SLC35F4: variants seen among roughly 807,000 people sequenced by gnomAD.
SLC35F4 encodes the protein chromosome 14 open reading frame 36.
SLC35F4 carries 24 observed loss-of-function variants against 44.2 expected under a neutral mutation model. The ratio of observed to expected loss-of-function variants is 0.54; its 90% confidence interval spans 0.39 to 0.76. The LOEUF (loss-of-function observed/expected upper bound fraction) is 0.76, where lower values mean the gene tolerates loss of function less well. SLC35F4 is among the 30% of genes least tolerant of loss of function. The pLI, the probability that SLC35F4 is intolerant of heterozygous loss-of-function variation, is 0.00. For missense variants in SLC35F4, 562 were observed against 586.1 expected, an observed-to-expected ratio of 0.96 and a Z score of 0.42; for synonymous variants, 238 against 223.6, an observed-to-expected ratio of 1.06 and a Z score of -0.57.
intron 1 of SLC35F4, among the ~76,000 whole-genome samples, chr14:57,663,406 C>T (rs190977617): frequency 6.6e-6 from 1 of 152,216 alleles, no homozygotes; most frequent in African/African-American, 2.4e-5. Flanking sequence ...CAGGAGAGGG[C>T]CAGACAAGCA....
At chr14:57,699,464 C>T (rs1327713223) in intron 1 of SLC35F4, among the ~76,000 whole-genome samples, 1 of 152,152 alleles carries the variant, frequency 6.6e-6, no homozygotes, top group Non-Finnish European at 1.5e-5. Context: ...GAATCCCTTA[C>T]GTGCAAGAAT....
At chr14:57,955,636 T>C (rs550637150) in intron 1 of SLC35F4, among the ~76,000 whole-genome samples, 2 of 152,280 alleles carry the variant, frequency 1.3e-5, no homozygotes, top group African/African-American at 4.8e-5. Flanking sequence ...AGCATTCCTA[T>C]ACATCAATAA....
intron 1 of SLC35F4, among the ~76,000 whole-genome samples, chr14:57,800,060 G>A (rs548627492): frequency 6.6e-6 from 1 of 152,306 alleles, no homozygotes; most frequent in South Asian, 2.1e-4. Flanking sequence ...CCTGACTGGG[G>A]AGGCCTCCCA....
At chr14:57,669,143 G>T (rs1393949655) in intron 1 of SLC35F4, among the ~76,000 whole-genome samples, 1 of 152,140 alleles carries the variant, frequency 6.6e-6, no homozygotes, top group South Asian at 2.1e-4. Flanking sequence ...TCTGTTATTG[G>T]TGTATAAGAC....
chr14:57,656,505 C>T (rs1224450081), intron 1 of SLC35F4, among the ~76,000 whole-genome samples: 1 of 151,882 alleles, frequency 6.6e-6, no homozygotes, highest in Non-Finnish European at 1.5e-5. Flanking sequence ...ATCCTCATGG[C>T]TTGTTACTAT....
intron 1 of SLC35F4, among the ~76,000 whole-genome samples, chr14:57,601,909 T>C (rs2070846440): frequency 6.6e-6 from 1 of 152,162 alleles, no homozygotes; most frequent in African/African-American, 2.4e-5. Flanking sequence ...GAATTTCCAA[T>C]AGCCTAAGTA....
chr14:57,809,532 A>AC (rs1881727027), intron 1 of SLC35F4, among the ~76,000 whole-genome samples: 1 of 152,058 alleles, frequency 6.6e-6, no homozygotes, highest in Non-Finnish European at 1.5e-5. Flanking sequence ...CAGAAGATCC[A>AC]CCCCCATCAA....
intron 1 of SLC35F4, among the ~76,000 whole-genome samples, chr14:57,895,584 C>T (rs1463810480): frequency 6.8e-6 from 1 of 147,992 alleles, no homozygotes; most frequent in Non-Finnish European, 1.5e-5. Context: ...CTCTCTCACT[C>T]TCTCTCTCTC....
chr14:57,726,349 T>C (rs2076203017), intron 1 of SLC35F4, among the ~76,000 whole-genome samples: 5 of 152,106 alleles, frequency 3.3e-5, no homozygotes, highest in Admixed American at 2.0e-4. Context: ...GCAAAGGGAA[T>C]ACAGAATGGG....
intron 1 of SLC35F4, among the ~76,000 whole-genome samples, chr14:57,932,887 G>A (rs1033605100): frequency 6.6e-6 from 1 of 152,096 alleles, no homozygotes; most frequent in Non-Finnish European, 1.5e-5. Flanking sequence ...GTATATTAGA[G>A]AGAAGCTTTG....
At chr14:57,981,104 CA>C (rs1334310705) in intron 1 of SLC35F4, among the ~76,000 whole-genome samples, 1 of 152,180 alleles carries the variant, frequency 6.6e-6, no homozygotes, top group Non-Finnish European at 1.5e-5. Flanking sequence ...ACACTGAAGC[CA>C]AAGACAACAG....
At chr14:57,622,480 T>C (rs1335783986) in intron 1 of SLC35F4, among the ~76,000 whole-genome samples, 1 of 149,090 alleles carries the variant, frequency 6.7e-6, no homozygotes, top group Non-Finnish European at 1.5e-5. Flanking sequence ...CATGGAATAC[T>C]ATGCAGCCAT....
chr14:57,757,742 T>A (rs2077028052), intron 1 of SLC35F4, among the ~76,000 whole-genome samples: 1 of 152,198 alleles, frequency 6.6e-6, no homozygotes, highest in South Asian at 2.1e-4. Context: ...ACTATACTGT[T>A]GTTTTTGCTG....
intron 1 of SLC35F4, among the ~76,000 whole-genome samples, chr14:57,945,099 A>G (rs941524153): frequency 6.6e-6 from 1 of 152,200 alleles, no homozygotes; most frequent in African/African-American, 2.4e-5. Context: ...ATAGTTTACT[A>G]TGGCATGCAT....
intron 1 of SLC35F4, among the ~76,000 whole-genome samples, chr14:57,905,061 C>T (rs1032874573): frequency 7.9e-5 from 12 of 152,128 alleles, no homozygotes; most frequent in African/African-American, 2.4e-4. Context: ...AAAATTTGGG[C>T]GTGTCTTTGG....
At position 57,673,420 on chromosome 14, in the gene SLC35F4, T is replaced by C. The variant is rs1360714711; in HGVS notation, c.104-79296A>G. On this transcript the variant is annotated intron_variant, in intron 1 of 7. Coordinates refer to ENST00000556826, the MANE Select transcript of SLC35F4 (RefSeq NM_001306087.2). ...GAAAGTTACTTCACCCCTGTGGGTA[T>C]AATTTCCCAGATCTGTAAAATGGGG... Among the ~76,000 whole-genome samples the C allele has an allele frequency of 2.0e-5, 3 of 152,136 alleles. No homozygotes were observed. The East Asian group carries it at 5.8e-4, about 29-fold the overall frequency.
At chr14:57,862,728 G>A (rs916508745) in intron 1 of SLC35F4, among the ~76,000 whole-genome samples, 3 of 152,128 alleles carry the variant, frequency 2.0e-5, no homozygotes, top group Non-Finnish European at 4.4e-5. Flanking sequence ...CTTCCCTGAT[G>A]AGCCTATTTA....
chr14:57,956,674 A>G (rs1890244673), intron 1 of SLC35F4, among the ~76,000 whole-genome samples: 1 of 152,240 alleles, frequency 6.6e-6, no homozygotes, highest in African/African-American at 2.4e-5. Flanking sequence ...TATGTGGCCA[A>G]CAAACATATG....
At chr14:57,699,202 A>G (rs568489880) in intron 1 of SLC35F4, among the ~76,000 whole-genome samples, 2 of 152,314 alleles carry the variant, frequency 1.3e-5, no homozygotes, top group East Asian at 3.9e-4. Flanking sequence ...AATCATGACT[A>G]TTTAGCTCTC....
Sources: allele counts gnomAD v4.1 joint callset (sites outside exome capture counted in the v4.1 genomes callset), GRCh38; gene constraint gnomAD v4.1.1; transcripts MANE v1.5; gene names NCBI Gene and HGNC (gene_info 2026-07-23, HGNC 2026-07-21).